Variants in RNF111 observed in about 807,000 individuals in gnomAD.
The protein encoded by RNF111 is ring finger protein 111, also known as E3 ubiquitin-protein ligase Arkadia.
In RNF111, 17 loss-of-function variants were observed where a neutral mutation model predicts 95.1. That is an observed-to-expected ratio of 0.18 (90% confidence interval 0.12 to 0.27). RNF111 has a LOEUF of 0.27. RNF111 is among the 10% of genes least tolerant of loss of function. The pLI, the probability that RNF111 is intolerant of heterozygous loss-of-function variation, is 1.00. For missense variants in RNF111, 1,189 were observed against 1,210.4 expected (o/e 0.98, Z 0.26); for synonymous variants, 440 against 414.8 (o/e 1.06, Z -0.74).
At chr15:59,049,280 T>C (rs1234008985) in intron 2 of RNF111, 1 of 152,306 alleles carries the variant, frequency 6.6e-6, no homozygotes, top group East Asian at 1.9e-4. Flanking sequence ...TCACAGTTTT[T>C]GTCTTTTTAT....
At chr15:59,040,434 C>T (rs1275170122) in intron 2 of RNF111, among the ~76,000 whole-genome samples, 1 of 152,132 alleles carries the variant, frequency 6.6e-6, no homozygotes, top group Non-Finnish European at 1.5e-5. Context: ...ATGCCTAGCA[C>T]ATTTTGACTG....
intron 2 of RNF111, among the ~76,000 whole-genome samples, chr15:59,048,983 C>T (rs1483206399): frequency 6.6e-6 from 1 of 152,048 alleles, no homozygotes; most frequent in East Asian, 1.9e-4. Flanking sequence ...CACCTGTAGT[C>T]CCAGCTACTC....
chr15:59,045,379 CG>C (rs762360121), intron 2 of RNF111, among the ~76,000 whole-genome samples: 41 of 151,966 alleles, frequency 2.7e-4, no homozygotes, highest in Non-Finnish European at 4.4e-4. Context: ...TTAGTAGAGA[CG>C]GGGTTTTACC....
At chr15:59,018,823 C>A (rs2040193786) in intron 1 of RNF111, among the ~76,000 whole-genome samples, 1 of 151,938 alleles carries the variant, frequency 6.6e-6, no homozygotes, top group African/African-American at 2.4e-5. Context: ...TTATGTAATA[C>A]TTTTTTTTAA....
intron 2 of RNF111, among the ~76,000 whole-genome samples, chr15:59,042,796 C>A (rs1266556309): frequency 6.6e-6 from 1 of 152,152 alleles, no homozygotes; most frequent in Admixed American, 6.5e-5. Context: ...TGTCCATGTA[C>A]AGGAAGAACA....
rs555140705 is a variant in RNF111 at position 59,093,192 on chromosome 15, G to A, written c.2843+552G>A. On this transcript the variant is annotated intron_variant, in intron 13 of 13. Transcript: ENST00000348370. ...GTAGGGCCACACAAGGTTTGGCCAGGGAAATTTCGTAGTCAAAATTGTCTT... is the reference window on the plus strand; with the variant it reads ...GTAGGGCCACACAAGGTTTGGCCAGAGAAATTTCGTAGTCAAAATTGTCTT... Among the ~76,000 whole-genome samples, 37 of 152,236 alleles carry A rather than the reference G, an allele frequency of 2.4e-4. No individual in the cohort carries two copies. In the South Asian group the frequency reaches 5.2e-3, roughly 21 times the overall value.
Position 59,066,910 on chromosome 15 carries a change from T to G in RNF111, c.1513T>G (p.Phe505Val). Residue 505 changes from phenylalanine to valine, a missense_variant, in exon 6 of 14, where the codon TTT (phenylalanine) becomes GTT (valine). By Grantham distance (50) the Phe-to-Val change is conservative (BLOSUM62 -1). This residue lies in a region of RNF111 where 1,024 missense variants were observed against 925.9 expected (regional missense o/e 1.11). Transcript: ENST00000348370. Reference sequence around the variant, plus strand: ...ATTAGGACATCCTCATACAAGTTGCTTTCAGCAGCATGGTCACCATTTTCA... The same window carrying G: ...ATTAGGACATCCTCATACAAGTTGCGTTCAGCAGCATGGTCACCATTTTCA... ...HALGHPHTSC[F>V]QQHGHHFQHH... is the part of the protein sequence containing the mutation. 6.2e-7 allele frequency: 1 copy of G among 1,614,024 alleles called. No homozygotes were observed. Among genetic ancestry groups the G allele is most frequent in the Non-Finnish European group, 8.5e-7 (1 of 1,179,986 alleles).
Position 59,095,149 on chromosome 15 carries a change from C to G in RNF111, c.*249C>G. The G allele has an allele frequency of 2.6e-6, 1 of 381,418 alleles. No homozygotes were observed. The highest frequency in any genetic ancestry group is 2.7e-5 in the South Asian group (1 of 37,182). The allele number at this position is 381,418 out of a possible 1,614,324, so 23.6% of individuals were successfully genotyped here. On this transcript the variant is annotated 3_prime_UTR_variant, in exon 14 of 14. Coordinates refer to ENST00000348370, the MANE Select transcript of RNF111 (RefSeq NM_017610.8). ...CATTTTACTGTATTTTTGCATGGTTCCTTGTATTGCATTTCTTTGCACATA... is the reference window on the plus strand; with the variant it reads ...CATTTTACTGTATTTTTGCATGGTTGCTTGTATTGCATTTCTTTGCACATA...
chr15:58,999,107 A>G (rs2039215630), intron 1 of RNF111, among the ~76,000 whole-genome samples: 1 of 152,182 alleles, frequency 6.6e-6, no homozygotes, highest in Admixed American at 6.5e-5. Flanking sequence ...TATTAAATAT[A>G]CTACTCCCTT....
chr15:59,092,742 C>T, intron 13 of RNF111, 102 bp downstream of exon 13: 1 of 1,209,056 alleles, frequency 8.3e-7, no homozygotes. Flanking sequence ...ACGTGTAATT[C>T]CAGCACTTTT....
Position 59,055,797 on chromosome 15 carries a change from T to C in RNF111, c.1123T>C (p.Leu375=). 1.2e-6 allele frequency: 2 copies of C among 1,613,958 alleles called. No homozygotes were observed. Among genetic ancestry groups the C allele is most frequent in the Middle Eastern group, 1.7e-4 (1 of 6,056 alleles). Residue 375 remains leucine, a synonymous_variant, in exon 4 of 14, where the codon TTG becomes CTG. Coordinates refer to ENST00000348370, the MANE Select transcript of RNF111 (RefSeq NM_017610.8). ...RSRISTVIQP[L]RQNAAEVVDL... Reference sequence around the variant, plus strand: ...TAGGATTTCTACTGTTATACAGCCCTTGAGGCAGAATGCAGCAGAAGTTGT... The same window carrying C: ...TAGGATTTCTACTGTTATACAGCCCCTGAGGCAGAATGCAGCAGAAGTTGT...
intron 2 of RNF111, among the ~76,000 whole-genome samples, chr15:59,036,660 C>G (rs780034555): frequency 3.9e-5 from 6 of 152,070 alleles, no homozygotes; most frequent in Non-Finnish European, 8.8e-5. Flanking sequence ...TGGGTGGGGA[C>G]AAAGCCAAAC....
intron 1 of RNF111, among the ~76,000 whole-genome samples, chr15:59,021,428 G>A (rs2040337734): frequency 2.0e-5 from 3 of 152,100 alleles, no homozygotes; most frequent in Non-Finnish European, 4.4e-5. Flanking sequence ...TGGGATTATA[G>A]GTATGAACCA....
chr15:59,000,190 G>A (rs200107318), intron 1 of RNF111, among the ~76,000 whole-genome samples: 8 of 142,152 alleles, frequency 5.6e-5, no homozygotes, highest in South Asian at 2.2e-4. Context: ...TTGAGACAGG[G>A]TCTCTCTCTG....
In RNF111 at chr15:59,031,179, G is replaced by GCAA; in HGVS notation, c.360_362dup (p.Gln120dup). 6.2e-7 allele frequency: 1 copy of GCAA among 1,614,168 alleles called. No individual in the cohort carries two copies. The highest frequency in any genetic ancestry group is 8.5e-7 in the Non-Finnish European group (1 of 1,180,012). On this transcript the variant is annotated inframe_insertion, in exon 2 of 14. Transcript: ENST00000348370. ...AAAACCAGGGAATATTAGGACTGAGGCAACACCTAGGGACACCAAGTGATG... is the reference window on the plus strand; with the variant it reads ...AAAACCAGGGAATATTAGGACTGAGGCAACAACACCTAGGGACACCAAGTGATG...
chr15:59,048,680 A>G (rs1273865721), intron 2 of RNF111, among the ~76,000 whole-genome samples: 6 of 152,242 alleles, frequency 3.9e-5, no homozygotes, highest in Admixed American at 3.3e-4. Flanking sequence ...ATAGTAATGA[A>G]GAAGCCATTC....
At chr15:59,055,159 G>A (rs10431791) in intron 3 of RNF111, among the ~76,000 whole-genome samples, 61,753 of 151,900 alleles carry the variant, frequency 0.41, 13,062 homozygotes, top group African/African-American at 0.52. Context: ...TAGCCACAAT[G>A]TCCTTACCTC....
At chr15:59,079,486 G>A (rs559565023) in intron 7 of RNF111, among the ~76,000 whole-genome samples, 1 of 152,286 alleles carries the variant, frequency 6.6e-6, no homozygotes, top group African/African-American at 2.4e-5. Context: ...GGCATACTTT[G>A]AAAATATAGT....
intron 6 of RNF111, among the ~76,000 whole-genome samples, chr15:59,070,350 A>G (rs1261245124): frequency 6.6e-6 from 1 of 151,708 alleles, no homozygotes; most frequent in East Asian, 1.9e-4. Context: ...CTTTAATTTT[A>G]CCCTCAGTTT....
Sources: gnomAD v4.1 joint callset for allele counts (sites outside exome capture counted in the v4.1 genomes callset) on GRCh38, gnomAD v4.1.1 for gene constraint, gnomAD v4.1.1 regional missense constraint, MANE v1.5 for transcripts, NCBI Gene and HGNC (gene_info 2026-07-23, HGNC 2026-07-21) for gene names.